CHD1L: variants seen among roughly 807,000 people sequenced by gnomAD.
CHD1L encodes ATP-dependent chromatin remodeler CHD1L.
In CHD1L, 118 loss-of-function variants were observed where a neutral mutation model predicts 115.9. The observed-to-expected ratio is 1.02, with a 90% CI of 0.88 to 1.19. The LOEUF is 1.19. Ranked by LOEUF, CHD1L falls within the 50% of genes most tolerant of loss-of-function variation. CHD1L has a pLI of 0.00. For missense variants in CHD1L, 1,179 were observed against 1,065.3 expected, an observed-to-expected ratio of 1.11 and a Z score of -1.49; for synonymous variants, 411 against 387.1, an observed-to-expected ratio of 1.06 and a Z score of -0.72.
Position 147,275,416 on chromosome 1 carries a change from C to A in CHD1L, c.1333C>A (p.Pro445Thr). ...TVIFVDSDFN[P>T]QNDLQAAARA... ...GATTTTTGTTGACAGTGACTTTAATCCTCAGAATGACTTGCAAGCAGCTGC... is the reference window on the plus strand; with the variant it reads ...GATTTTTGTTGACAGTGACTTTAATACTCAGAATGACTTGCAAGCAGCTGC... The change falls in exon 13 of 23, where the codon CCT becomes ACT. Residue 445 changes from proline (P) to threonine (T), a missense_variant. By Grantham distance (38) the Pro-to-Thr change is conservative (BLOSUM62 -1). Transcript: ENST00000369258. 1 of 1,614,124 alleles carries A rather than the reference C, an allele frequency of 6.2e-7. No homozygotes were observed.
chr1:147,267,010 GT>G (rs1295319832), intron 8 of CHD1L, among the ~76,000 whole-genome samples: 1 of 152,182 alleles, frequency 6.6e-6, no homozygotes, highest in African/African-American at 2.4e-5. Context: ...TTCCCCATGG[GT>G]AAGGGGGAAC....
upstream of CHD1L, among the ~76,000 whole-genome samples, chr1:147,239,718 G>C (rs1184601204): frequency 6.6e-6 from 1 of 152,266 alleles, no homozygotes; most frequent in South Asian, 2.1e-4. Flanking sequence ...TTAGGTACCA[G>C]ACTTAGTATA....
At chr1:147,268,380 T>C (rs1463305500) in intron 9 of CHD1L, among the ~76,000 whole-genome samples, 1 of 152,196 alleles carries the variant, frequency 6.6e-6, no homozygotes, top group Non-Finnish European at 1.5e-5. Context: ...TGCTAAGAAC[T>C]GTTTAAAGAT....
At chr1:147,227,536 C>G in the CHD1L span, among the ~76,000 whole-genome samples, 1 of 152,176 alleles carries the variant, frequency 6.6e-6, no homozygotes, top group Non-Finnish European at 1.5e-5. Context: ...ATGTTTTAAA[C>G]CTTGACTCAA....
chr1:147,228,710 T>A, the CHD1L span, among the ~76,000 whole-genome samples: 2 of 152,220 alleles, frequency 1.3e-5, no homozygotes, highest in Non-Finnish European at 2.9e-5. Flanking sequence ...TTCTAACTGG[T>A]GTGAGATGGT....
chr1:147,289,329 G>T (rs1684597381), intron 19 of CHD1L, among the ~76,000 whole-genome samples: 2 of 152,282 alleles, frequency 1.3e-5, no homozygotes, highest in South Asian at 4.2e-4. Context: ...ATTTCTGACA[G>T]AAGGAATTGT....
At chr1:147,220,456 T>C in the CHD1L span, among the ~76,000 whole-genome samples, 1 of 152,132 alleles carries the variant, frequency 6.6e-6, no homozygotes. Context: ...GATTCTAAAG[T>C]TCATATGGAA....
chr1:147,210,357 C>G, the CHD1L span: 2 of 152,192 alleles, frequency 1.3e-5, no homozygotes, highest in Non-Finnish European at 2.9e-5. Flanking sequence ...ATGCAGTTAC[C>G]TGGCAAAAGA....
chr1:147,286,495 G>GCGTAGGTA lies in CHD1L; in HGVS notation c.2219_2221+5dup. On this transcript the variant is annotated frameshift_variant, in exon 18 of 23. Transcript: ENST00000369258. LOFTEE classifies it high-confidence loss of function. The stretch of plus-strand genomic sequence containing the variant: ...GCCGAGGATGCTCTCATTGTGCACT[G>GCGTAGGTA]CGTAGGTACGAGAAGTGGTATGGGC... 2 of 1,613,406 alleles carry GCGTAGGTA rather than the reference G, an allele frequency of 1.2e-6. No individual in the cohort carries two copies. Among genetic ancestry groups the GCGTAGGTA allele is most frequent in the Non-Finnish European group, 1.7e-6 (2 of 1,179,904 alleles).
At chr1:147,218,377 A>T in the CHD1L span, among the ~76,000 whole-genome samples, 2 of 151,878 alleles carry the variant, frequency 1.3e-5, no homozygotes, top group African/African-American at 4.8e-5. Context: ...CTGGGCCTAC[A>T]GGCACGCGCC....
chr1:147,196,524 A>G, the CHD1L span, among the ~76,000 whole-genome samples: 1 of 152,014 alleles, frequency 6.6e-6, no homozygotes, highest in African/African-American at 2.4e-5. Flanking sequence ...CTATTACCCT[A>G]TCTGTCTATA....
the CHD1L span, chr1:147,178,142 C>T: frequency 1.9e-6 from 3 of 1,605,314 alleles, no homozygotes; most frequent in African/African-American, 1.3e-5. Flanking sequence ...GCGCTGTTCC[C>T]GGGCGTGGCG....
Position 147,259,900 on chromosome 1 carries a change from G to A in CHD1L, c.558G>A (p.Leu186=), listed in dbSNP as rs1671348903. ...AHRLKNQSSL[L]HKTLSEFSVV... is the part of the protein sequence containing the mutation. The stretch of plus-strand genomic sequence containing the variant: ...GGTTGAAAAACCAAAGCTCCCTGCT[G>A]CATAAGACCTTGTCAGAGGTAAACT... Residue 186 remains leucine, a synonymous_variant, in exon 6 of 23, where the codon CTG becomes CTA. Transcript: ENST00000369258. 6.2e-7 allele frequency: 1 copy of A among 1,613,388 alleles called. No individual in the cohort carries two copies. Among genetic ancestry groups the A allele is most frequent in the Admixed American group, 1.7e-5 (1 of 60,008 alleles).
chr1:147,284,569 G>T, intron 16 of CHD1L, 70 bp downstream of exon 16: 1 of 1,140,344 alleles, frequency 8.8e-7, no homozygotes. Flanking sequence ...AAAAAATGAT[G>T]CTGGCATCGT....
chr1:147,232,101 A>T, the CHD1L span, among the ~76,000 whole-genome samples: 2 of 152,226 alleles, frequency 1.3e-5, no homozygotes, highest in African/African-American at 2.4e-5. Flanking sequence ...TTTAAATGGC[A>T]TCTTTGTAAG....
chr1:147,233,454 C>A, the CHD1L span, among the ~76,000 whole-genome samples: 3 of 123,046 alleles, frequency 2.4e-5, no homozygotes, highest in African/African-American at 7.6e-5. Flanking sequence ...GCCAGCCGCC[C>A]CGTCCGGGAG....
At chr1:147,225,759 G>A in the CHD1L span, 1 of 152,210 alleles carries the variant, frequency 6.6e-6, no homozygotes, top group African/African-American at 2.4e-5. Context: ...ACAGATTGTA[G>A]CAGGATGAGC....
the CHD1L span, among the ~76,000 whole-genome samples, chr1:147,232,637 TGCA>T: frequency 6.8e-6 from 1 of 147,290 alleles, no homozygotes; most frequent in Non-Finnish European, 1.5e-5. Context: ...TGCCTGCGAT[TGCA>T]GGCACGCGCC....
Position 147,256,494 on chromosome 1 carries a change from A to G in CHD1L, c.463-37A>G, listed in dbSNP as rs12119390. The G allele has an allele frequency of 0.28, 445,258 of 1,588,958 alleles. 65,159 individuals are homozygous for G. Among genetic ancestry groups the G allele is most frequent in the Non-Finnish European group, 0.3 (347,744 of 1,157,392 alleles). The stretch of plus-strand genomic sequence containing the variant: ...AGCTTATCAATATCAGAGTTTATCA[A>G]TGCCAGCCTTTATAACGTGTCTTCC... On this transcript the variant is annotated intron_variant, in intron 4 of 22. Coordinates refer to ENST00000369258, the MANE Select transcript of CHD1L (RefSeq NM_004284.6).
Sources: allele counts gnomAD v4.1 joint callset (sites outside exome capture counted in the v4.1 genomes callset), GRCh38; gene constraint gnomAD v4.1.1; transcripts MANE v1.5; gene names NCBI Gene and HGNC (gene_info 2026-07-23, HGNC 2026-07-21).